TAOK1: variants seen among roughly 807,000 people sequenced by gnomAD.
TAOK1 encodes serine/threonine-protein kinase TAO1.
TAOK1 carries 21 observed loss-of-function variants against 138.3 expected under a neutral mutation model. That is an observed-to-expected ratio of 0.15 (90% CI 0.11 to 0.22). The LOEUF (loss-of-function observed/expected upper bound fraction) is 0.22. TAOK1 is among the 10% of genes least tolerant of loss of function. The pLI is 1.00. For missense variants in TAOK1, 651 were observed against 1,227.7 expected, an observed-to-expected ratio of 0.53 and a Z score of 7.02; for synonymous variants, 361 against 398.4, an observed-to-expected ratio of 0.91 and a Z score of 1.12.
chr17:29,499,088 G>C (rs2153028328), intron 12 of TAOK1, among the ~76,000 whole-genome samples: 2 of 152,070 alleles, frequency 1.3e-5, no homozygotes, highest in South Asian at 4.2e-4. Context: ...TATATTATTT[G>C]ACATTATTTA....
chr17:29,409,309 A>T (rs796519884), intron 1 of TAOK1, among the ~76,000 whole-genome samples: 3 of 50,538 alleles, frequency 5.9e-5, no homozygotes, highest in African/African-American at 3.8e-4. Context: ...TTTTATGGAC[A>T]TATATATATA....
intron 16 of TAOK1, 144 bp downstream of exon 16, chr17:29,517,800 G>T: frequency 1.3e-6 from 1 of 767,278 alleles, no homozygotes; most frequent in Non-Finnish European, 2.0e-6. Context: ...CACATGGATT[G>T]TTTGCTCCCT....
At chr17:29,422,317 C>T (rs907305212) in intron 1 of TAOK1, among the ~76,000 whole-genome samples, 1 of 152,132 alleles carries the variant, frequency 6.6e-6, no homozygotes, top group Admixed American at 6.6e-5. Flanking sequence ...GATTCTCCTG[C>T]CTCAGCCTCC....
chr17:29,429,221 G>A (rs1208558698), intron 1 of TAOK1, among the ~76,000 whole-genome samples: 1 of 152,024 alleles, frequency 6.6e-6, no homozygotes, highest in Non-Finnish European at 1.5e-5. Context: ...AATAATTTCA[G>A]ATGTACAGAA....
At chr17:29,533,975 C>T in intron 18 of TAOK1, 143 bp from the exon 19 acceptor site, 3 of 782,590 alleles carry the variant, frequency 3.8e-6, no homozygotes, top group Non-Finnish European at 3.7e-6. Context: ...GAGATGTTTA[C>T]TCCAAGATAC....
At chr17:29,510,323 G>T (rs1362004193) in intron 14 of TAOK1, among the ~76,000 whole-genome samples, 2 of 152,204 alleles carry the variant, frequency 1.3e-5, no homozygotes, top group African/African-American at 4.8e-5. Flanking sequence ...GTTGCAGTGA[G>T]CCGAGCTCGT....
At chr17:29,398,712 A>G (rs1904739427) in intron 1 of TAOK1, among the ~76,000 whole-genome samples, 1 of 151,464 alleles carries the variant, frequency 6.6e-6, no homozygotes, top group African/African-American at 2.4e-5. Context: ...TTGTTTTTTT[A>G]GTAGAGACAG....
At chr17:29,510,382 TA>T (rs779933055) in intron 14 of TAOK1, among the ~76,000 whole-genome samples, 1 of 152,016 alleles carries the variant, frequency 6.6e-6, no homozygotes, top group Non-Finnish European at 1.5e-5. Flanking sequence ...ATCTCAAAAA[TA>T]ATAATTTTAA....
chr17:29,473,132 G>C (rs1196906827), intron 3 of TAOK1, among the ~76,000 whole-genome samples: 1 of 152,162 alleles, frequency 6.6e-6, no homozygotes, highest in Non-Finnish European at 1.5e-5. Flanking sequence ...TCCAGGCTTT[G>C]TTGTTTCATT....
At chr17:29,530,862 T>G (rs559801699) in intron 18 of TAOK1, 89 of 523,402 alleles carry the variant, frequency 1.7e-4, no homozygotes, top group African/African-American at 1.5e-3. Flanking sequence ...GCACAGATCC[T>G]AACACCTTAT....
At chr17:29,473,675 CA>C (rs2030878843) in intron 3 of TAOK1, among the ~76,000 whole-genome samples, 1 of 151,214 alleles carries the variant, frequency 6.6e-6, no homozygotes, top group African/African-American at 2.4e-5. Context: ...GGATAACTTG[CA>C]TGTAGCCTCT....
chr17:29,477,654 C>T lies in TAOK1; in HGVS notation c.307-7C>T, dbSNP rs772121341. 10 of 1,364,056 alleles carry T rather than the reference C, an allele frequency of 7.3e-6. No homozygotes were observed. In the South Asian group the frequency reaches 2.2e-4, roughly 30 times the overall value. The allele number at this position is 1,364,056 out of a possible 1,614,324, so 84.5% of individuals were successfully genotyped here. On this transcript the variant is annotated splice_polypyrimidine_tract_variant and splice_region_variant and intron_variant, in intron 4 of 19. Coordinates refer to ENST00000261716, the MANE Select transcript of TAOK1 (RefSeq NM_020791.4). ...TATTTTAATGCTTTTATAACTTTTC[C>T]ATGTAGCTTGTAATGGAATATTGTT...
Position 29,545,389 on chromosome 17 carries a change from G to A in TAOK1, c.*2367G>A, listed in dbSNP as rs2032386749. ...TGTACTACTGGATGGGTGGAATAGG[G>A]AAGCAGATCACTTTTGCATACAAAA... On this transcript the variant is annotated 3_prime_UTR_variant, in exon 20 of 20. Transcript: ENST00000261716. 6.6e-6 allele frequency: 1 copy of A among 152,146 alleles called. No homozygotes were observed. The highest frequency in any genetic ancestry group is 2.1e-4 in the South Asian group (1 of 4,836). The allele number at this position is 152,146 out of a possible 1,614,324, so 9.4% of individuals were successfully genotyped here.
intron 1 of TAOK1, among the ~76,000 whole-genome samples, chr17:29,412,107 A>G (rs971172415): frequency 1.1e-4 from 17 of 150,868 alleles, no homozygotes; most frequent in Admixed American, 1.0e-3. Context: ...CTGTTGTGCA[A>G]TCTCAGCTCA....
chr17:29,534,008 TAA>T lies in TAOK1; in HGVS notation c.2362-105_2362-104del, dbSNP rs547364120. On this transcript the variant is annotated intron_variant, in intron 18 of 19. Coordinates refer to ENST00000261716, the MANE Select transcript of TAOK1 (RefSeq NM_020791.4). ...TACAAGAGAGAAAAATTGTCTAAAC[TAA>T]AAAAGAGTAGTCTGTCTTCTAACAC... 47 of 1,225,262 alleles carry T rather than the reference TAA, an allele frequency of 3.8e-5. No individual in the cohort carries two copies. The African/African-American group carries it at 5.6e-4, about 15-fold the overall frequency. The allele number at this position is 1,225,262 out of a possible 1,614,324, so 75.9% of individuals were successfully genotyped here.
At chr17:29,471,402 C>A (rs902157285) in intron 3 of TAOK1, among the ~76,000 whole-genome samples, 6 of 147,434 alleles carry the variant, frequency 4.1e-5, no homozygotes, top group African/African-American at 1.5e-4. Context: ...GCTTGCCTCC[C>A]GAGTAGCTGG....
At chr17:29,460,878 AT>A (rs2030514445) in intron 2 of TAOK1, among the ~76,000 whole-genome samples, 1 of 152,196 alleles carries the variant, frequency 6.6e-6, no homozygotes, top group Non-Finnish European at 1.5e-5. Context: ...AATCAGTAGA[AT>A]AAAGAGCATT....
chr17:29,412,658 C>T lies in TAOK1; in HGVS notation c.-95+21634C>T, dbSNP rs115089006. On this transcript the variant is annotated intron_variant, in intron 1 of 19. Coordinates refer to ENST00000261716, the MANE Select transcript of TAOK1 (RefSeq NM_020791.4). ...AATGCCTAGCATAGGACATACAGTA[C>T]TAATTGTTGAATAGAATCTAATTGA... is the stretch of plus-strand genomic sequence containing the variant. Among the ~76,000 whole-genome samples the T allele has an allele frequency of 5.0e-3, 760 of 152,270 alleles. 12 individuals carry two copies. The highest frequency in any genetic ancestry group is 0.018 in the African/African-American group (734 of 41,560).
chr17:29,443,658 G>A (rs533664019), intron 1 of TAOK1, among the ~76,000 whole-genome samples: 1 of 152,026 alleles, frequency 6.6e-6, no homozygotes, highest in Non-Finnish European at 1.5e-5. Context: ...TCTTTTTATT[G>A]TTCACTTTAT....
Sources: allele counts gnomAD v4.1 joint callset (sites outside exome capture counted in the v4.1 genomes callset), GRCh38; gene constraint gnomAD v4.1.1; transcripts MANE v1.5; gene names NCBI Gene and HGNC (gene_info 2026-07-23, HGNC 2026-07-21).